DOP1B: variants seen among roughly 807,000 people sequenced by gnomAD.
DOP1B encodes protein DOP1B.
In DOP1B, 174 loss-of-function variants were observed where a neutral mutation model predicts 233.5. The ratio of observed to expected loss-of-function variants is 0.75; its 90% CI spans 0.66 to 0.85. The LOEUF is 0.85. Among genes scored for constraint, DOP1B ranks in the 40% least tolerant of loss-of-function variants. The probability of loss-of-function intolerance (pLI) is 0.00; values close to 1 mark genes in which losing one functional copy is unlikely to be tolerated. For missense variants in DOP1B, 2,652 were observed against 2,846.6 expected, an observed-to-expected ratio of 0.93 and a Z score of 1.56; for synonymous variants, 1,190 against 1,185.6, an observed-to-expected ratio of 1.00 and a Z score of -0.08.
Position 36,247,604 on chromosome 21 carries a change from G to A in DOP1B, c.4785G>A (p.Leu1595=). 6.2e-7 allele frequency: 1 copy of A among 1,601,212 alleles called. No homozygotes were observed. Among genetic ancestry groups the A allele is most frequent in the African/African-American group, 1.4e-5 (1 of 73,078 alleles). Residue 1595 remains leucine, a synonymous_variant, in exon 20 of 37, where the codon TTG becomes TTA. Coordinates refer to ENST00000691173, the MANE Select transcript of DOP1B (RefSeq NM_001320714.2). ...GLTTISHFCL[L]EQANQNKKTM... is the part of the protein sequence containing the mutation. ...CGACCATTAGTCATTTTTGTCTTTT[G>A]GAACAAGCCAACCAAAACAAAAAGG...
chr21:36,196,307 T>C (rs555855690), intron 2 of DOP1B, among the ~76,000 whole-genome samples: 3 of 152,330 alleles, frequency 2.0e-5, no homozygotes, highest in Non-Finnish European at 4.4e-5. Context: ...CAGTAAGCCA[T>C]GGGAGTCGTG....
chr21:36,170,260 C>G (rs2065960186), intron 2 of DOP1B: 2 of 346,746 alleles, frequency 5.8e-6, no homozygotes, highest in Non-Finnish European at 1.1e-5. Flanking sequence ...TTTTGAGCAC[C>G]TTTTCATATG....
intron 23 of DOP1B, among the ~76,000 whole-genome samples, chr21:36,258,540 T>G (rs1432835500): frequency 6.6e-6 from 1 of 152,030 alleles, no homozygotes; most frequent in Non-Finnish European, 1.5e-5. Flanking sequence ...ATCGGAAGAC[T>G]TTTTTTTCAG....
chr21:36,247,699 C>G, intron 20 of DOP1B, 71 bp downstream of exon 20: 1 of 1,132,772 alleles, frequency 8.8e-7, no homozygotes, highest in Non-Finnish European at 1.3e-6. Flanking sequence ...ATGACTGTTT[C>G]AAATAAGTAA....
At chr21:36,251,104 A>G (rs145709799) in intron 21 of DOP1B, 58 bp from the exon 22 acceptor site, 4 of 1,574,566 alleles carry the variant, frequency 2.5e-6, no homozygotes, top group Middle Eastern at 1.7e-4. Context: ...GGTTCAATGT[A>G]TATGATGCCA....
intron 6 of DOP1B, 134 bp downstream of exon 6, chr21:36,211,785 CT>C: frequency 7.7e-7 from 1 of 1,303,678 alleles, no homozygotes; most frequent in Non-Finnish European, 1.1e-6. Flanking sequence ...GTGAAAAGTC[CT>C]TGTTCATTTT....
chr21:36,222,685 A>AT, intron 10 of DOP1B, among the ~76,000 whole-genome samples: 1 of 152,080 alleles, frequency 6.6e-6, no homozygotes, highest in East Asian at 1.9e-4. Flanking sequence ...ACTAAAACTG[A>AT]TTTTCTGTAC....
chr21:36,189,424 T>G (rs575434272), intron 2 of DOP1B, among the ~76,000 whole-genome samples: 1 of 152,378 alleles, frequency 6.6e-6, no homozygotes, highest in East Asian at 1.9e-4. Flanking sequence ...TTTTTAAATT[T>G]TTTTAGCACT....
intron 23 of DOP1B, among the ~76,000 whole-genome samples, chr21:36,257,424 C>T (rs758893647): frequency 4.6e-5 from 7 of 152,220 alleles, no homozygotes; most frequent in Non-Finnish European, 1.0e-4. Flanking sequence ...CTTGGCCTGT[C>T]TGCACAGCAC....
At chr21:36,234,302 G>A (rs1210689055) in intron 15 of DOP1B, among the ~76,000 whole-genome samples, 1 of 152,152 alleles carries the variant, frequency 6.6e-6, no homozygotes, top group Non-Finnish European at 1.5e-5. Context: ...ACATAGATCA[G>A]AGATCAGAAA....
chr21:36,249,458 G>A (rs576281306), intron 21 of DOP1B, among the ~76,000 whole-genome samples: 3 of 152,128 alleles, frequency 2.0e-5, no homozygotes, highest in Admixed American at 1.3e-4. Flanking sequence ...GTTCAAAGCG[G>A]GGATACCTAG....
At chr21:36,288,293 G>T in intron 33 of DOP1B, 143 bp downstream of exon 33, 1 of 769,794 alleles carries the variant, frequency 1.3e-6, no homozygotes. Context: ...GTTAGCTCTT[G>T]GTTAAACAGA....
chr21:36,179,979 C>T (rs1347088821), intron 2 of DOP1B, among the ~76,000 whole-genome samples: 2 of 152,192 alleles, frequency 1.3e-5, no homozygotes, highest in African/African-American at 2.4e-5. Context: ...CCCCTCTCCT[C>T]TGCCTGCACA....
intron 1 of DOP1B, among the ~76,000 whole-genome samples, chr21:36,158,698 G>A (rs1224551393): frequency 6.6e-6 from 1 of 151,454 alleles, no homozygotes; most frequent in African/African-American, 2.4e-5. Context: ...AGCTACTCGG[G>A]AGTCTGAGGC....
intron 24 of DOP1B, 61 bp from the exon 25 acceptor site, chr21:36,263,485 T>A (rs1399519987): frequency 7.0e-7 from 1 of 1,431,970 alleles, no homozygotes; most frequent in African/African-American, 1.4e-5. Flanking sequence ...AATATGCTTA[T>A]AAATAAATGT....
Position 36,288,132 on chromosome 21 carries a change from A to G in DOP1B, c.6279A>G (p.Pro2093=), listed in dbSNP as rs775836756. 9.3e-6 allele frequency: 15 copies of G among 1,613,716 alleles called. No homozygotes were observed. Among genetic ancestry groups the G allele is most frequent in the Non-Finnish European group, 1.2e-5 (14 of 1,179,916 alleles). Residue 2093 remains proline, a synonymous_variant, in exon 33 of 37, where the codon CCA becomes CCG. Coordinates refer to ENST00000691173, the MANE Select transcript of DOP1B (RefSeq NM_001320714.2). ...CTCAACATTTGACTTCATTGTGGCC[A>G]ATAATGGTCTCTGAATTGGTGAGTA... ...ISPQHLTSLW[P]IMVSELIQTF... is the part of the protein sequence containing the mutation.
At chr21:36,158,837 C>T (rs529695344) in intron 1 of DOP1B, among the ~76,000 whole-genome samples, 34 of 148,724 alleles carry the variant, frequency 2.3e-4, no homozygotes, top group Non-Finnish European at 4.8e-4. Context: ...AAAAGAAATG[C>T]ATGCATAAGG....
At chr21:36,201,342 ATTCT>A (rs2066363532) in intron 4 of DOP1B, among the ~76,000 whole-genome samples, 1 of 46,982 alleles carries the variant, frequency 2.1e-5, no homozygotes, top group Admixed American at 2.2e-4. Flanking sequence ...TATCTATTGG[ATTCT>A]TTTTTTTTTT....
At chr21:36,291,673 G>C (rs900432552) in intron 35 of DOP1B, among the ~76,000 whole-genome samples, 1 of 152,210 alleles carries the variant, frequency 6.6e-6, no homozygotes, top group African/African-American at 2.4e-5. Context: ...GGCAGATCAT[G>C]TGACATATCC....
Sources: allele counts gnomAD v4.1 joint callset (sites outside exome capture counted in the v4.1 genomes callset), GRCh38; gene constraint gnomAD v4.1.1; transcripts MANE v1.5; gene names NCBI Gene and HGNC (gene_info 2026-07-23, HGNC 2026-07-21).